The following MAX variants were observed in gnomAD, a reference collection of about 807,000 sequenced individuals.
MAX encodes MYC associated transcriptional regulator X, also known as protein max.
MAX carries 3 observed loss-of-function variants against 22.3 expected under a neutral mutation model. The observed-to-expected ratio is 0.13, with a 90% confidence interval of 0.06 to 0.35. The LOEUF is 0.35. MAX is among the 10% of genes least tolerant of loss of function. The probability of loss-of-function intolerance (pLI) is 1.00; values close to 1 mark genes in which losing one functional copy is unlikely to be tolerated. For missense variants in MAX, 119 were observed against 209.4 expected (o/e 0.57, Z 2.66); for synonymous variants, 72 against 77.7 (o/e 0.93, Z 0.39).
At position 65,012,631 on chromosome 14, in the gene MAX, A is replaced by G. The variant is rs138332404; in HGVS notation, c.172-6347T>C. Among the ~76,000 whole-genome samples, 47 of 152,274 alleles carry G rather than the reference A, an allele frequency of 3.1e-4. 2 individuals carry two copies. The East Asian group carries it at 7.9e-3, about 26-fold the overall frequency. On this transcript the variant is annotated intron_variant, in intron 3 of 3. Coordinates refer to the MAX transcript ENST00000341653. The surrounding 1 kb of genome is among the most constrained non-coding windows in gnomAD (Gnocchi z 5.0). ...TAGGATGGGGCTTTCTTCTGTTACT[A>G]GATGATGACTAAGGGGTTCACGTGC... is the stretch of plus-strand genomic sequence containing the variant.
At chr14:65,040,322 TATATG>T (rs2062319914) in intron 3 of MAX, among the ~76,000 whole-genome samples, 1 of 149,938 alleles carries the variant, frequency 6.7e-6, no homozygotes, top group Non-Finnish European at 1.5e-5. Context: ...TATATGTACA[TATATG>T]TATATGTATG....
chr14:65,084,027 C>T lies in MAX; in HGVS notation c.172-5991G>A. The T allele has an allele frequency of 1.3e-6, 2 of 1,577,576 alleles. No individual in the cohort carries two copies. The highest frequency in any genetic ancestry group is 1.7e-6 in the Non-Finnish European group (2 of 1,160,142). On this transcript the variant is annotated intron_variant, in intron 3 of 4. Coordinates refer to ENST00000358664, the MANE Select transcript of MAX (RefSeq NM_002382.5). The surrounding 1 kb of genome is among the most constrained non-coding windows in gnomAD (Gnocchi z 4.3). ...TTGTAAGGCCAGAGTCAGCACAGAC[C>T]CATGGCTCCTTGAAGGCTTCCTGCT...
chr14:65,071,353 A>AG (rs1440272580), downstream of MAX, among the ~76,000 whole-genome samples: 2 of 152,168 alleles, frequency 1.3e-5, no homozygotes, highest in African/African-American at 4.8e-5. The surrounding 1 kb of genome is among the most constrained non-coding windows in gnomAD (Gnocchi z 4.2). Flanking sequence ...CACATTGACC[A>AG]GGCTGGTCTC....
rs1368975128 is a variant in MAX, at chr14:65,014,323, C to T, written c.172-8039G>A. ...CCGTCTGCATTTTGCCTTTGGAAGC[C>T]TTTCCTAGCTCCCCAGGCAGAATTA... On this transcript the variant is annotated intron_variant, in intron 3 of 3. Coordinates refer to the MAX transcript ENST00000341653. The surrounding 1 kb of genome is among the most constrained non-coding windows in gnomAD (Gnocchi z 5.1). Among the ~76,000 whole-genome samples, 1 of 152,168 alleles carries T rather than the reference C, an allele frequency of 6.6e-6. No individual in the cohort carries two copies. The highest frequency in any genetic ancestry group is 2.4e-5 in the African/African-American group (1 of 41,440).
chr14:65,099,842 G>A (rs951839601), intron 2 of MAX, among the ~76,000 whole-genome samples: 1 of 152,172 alleles, frequency 6.6e-6, no homozygotes, highest in African/African-American at 2.4e-5. Flanking sequence ...TATCTTTAAT[G>A]ACTATTACCC....
rs1049913862 is a variant in MAX, at chr14:65,054,116, G to A, written c.171+39592C>T. ...TGGAGGATGGGGCTTTTATTTTATTGTATTTTACTTTTTTGAGACAGGGTC... is the reference window on the plus strand; with the variant it reads ...TGGAGGATGGGGCTTTTATTTTATTATATTTTACTTTTTTGAGACAGGGTC... On this transcript the variant is annotated intron_variant, in intron 3 of 3. Transcript: ENST00000341653. This position sits in a 1 kb window ranked among gnomAD's most constrained non-coding sequence, Gnocchi z 4.4. 1.3e-5 allele frequency among the ~76,000 whole-genome samples: 2 copies of A among 151,776 alleles called. No individual in the cohort carries two copies. Among genetic ancestry groups the A allele is most frequent in the Admixed American group, 1.3e-4 (2 of 15,236 alleles).
chr14:65,025,971 C>G (rs1312675612), intron 3 of MAX, among the ~76,000 whole-genome samples: 1 of 152,218 alleles, frequency 6.6e-6, no homozygotes, highest in Admixed American at 6.5e-5. Flanking sequence ...GCAGCGTTTG[C>G]TTTTGCTTTC....
At chr14:65,052,481 A>T (rs780333783) in intron 3 of MAX, among the ~76,000 whole-genome samples, 1 of 152,196 alleles carries the variant, frequency 6.6e-6, no homozygotes, top group Non-Finnish European at 1.5e-5. Context: ...TATATTTTTA[A>T]TCGATTTCTA....
At chr14:65,037,599 A>G (rs1010509072) in intron 3 of MAX, among the ~76,000 whole-genome samples, 6 of 147,450 alleles carry the variant, frequency 4.1e-5, no homozygotes, top group Admixed American at 1.4e-4. Context: ...TAATTTTTTA[A>G]ATTTTTGTAG....
chr14:65,047,789 A>G lies in MAX; in HGVS notation c.172-41505T>C, dbSNP rs940064181. Among the ~76,000 whole-genome samples, 14 of 152,114 alleles carry G rather than the reference A, an allele frequency of 9.2e-5. No homozygotes were observed. The highest frequency in any genetic ancestry group is 1.6e-4 in the Non-Finnish European group (11 of 68,024). ...TCTCTCCAAACAGTAGCTGCATACCATGGGCTGATATAGAAAGCTCTGCAA... is the reference window on the plus strand; with the variant it reads ...TCTCTCCAAACAGTAGCTGCATACCGTGGGCTGATATAGAAAGCTCTGCAA... On this transcript the variant is annotated intron_variant, in intron 3 of 3. Transcript: ENST00000341653. This position sits in a 1 kb window ranked among gnomAD's most constrained non-coding sequence, Gnocchi z 5.2.
intron 3 of MAX, chr14:65,061,324 C>A: frequency 6.2e-7 from 1 of 1,613,260 alleles, no homozygotes; most frequent in Non-Finnish European, 8.5e-7. Flanking sequence ...GGACCTGGGT[C>A]CCGGCAGCTC....
chr14:65,100,365 G>A (rs945129483), intron 2 of MAX, among the ~76,000 whole-genome samples: 4 of 152,160 alleles, frequency 2.6e-5, no homozygotes, highest in Non-Finnish European at 5.9e-5. Context: ...CAAGAGAATC[G>A]CTTGAACCCA....
intron 3 of MAX, chr14:65,090,068 G>T (rs1202038353): frequency 6.6e-6 from 1 of 152,158 alleles, no homozygotes; most frequent in Non-Finnish European, 1.5e-5. Context: ...AACTCAGAAA[G>T]AAATTATAGG....
chr14:65,052,673 G>A (rs931922352), intron 3 of MAX, among the ~76,000 whole-genome samples: 30 of 152,202 alleles, frequency 2.0e-4, no homozygotes, highest in African/African-American at 6.5e-4. Flanking sequence ...TATGATGCAG[G>A]AGGGCAGTTA....
rs1374662968 is a variant in MAX at position 65,014,266 on chromosome 14, A to G, written c.172-7982T>C. Among the ~76,000 whole-genome samples the G allele has an allele frequency of 2.6e-5, 4 of 152,184 alleles. No homozygotes were observed. Among genetic ancestry groups the G allele is most frequent in the Non-Finnish European group, 5.9e-5 (4 of 68,038 alleles). On this transcript the variant is annotated intron_variant, in intron 3 of 3. Transcript: ENST00000341653. The surrounding 1 kb of genome is among the most constrained non-coding windows in gnomAD (Gnocchi z 5.1). Reference sequence around the variant, plus strand: ...TACCCTGCCTAGCCTTGAATGCTCAATAATCATTTATGGTTTAATTAGGAT... The same window carrying G: ...TACCCTGCCTAGCCTTGAATGCTCAGTAATCATTTATGGTTTAATTAGGAT...
Position 65,084,295 on chromosome 14 carries a change from T to C in MAX, c.172-6259A>G, listed in dbSNP as rs771789560. 38 of 1,512,688 alleles carry C rather than the reference T, an allele frequency of 2.5e-5. No homozygotes were observed. The highest frequency in any genetic ancestry group is 3.2e-5 in the Non-Finnish European group (35 of 1,088,050). 93.7% of individuals were successfully genotyped at this position (1,512,688 alleles called of 1,614,324 possible). On this transcript the variant is annotated intron_variant, in intron 3 of 4. Transcript: ENST00000358664. This position sits in a 1 kb window ranked among gnomAD's most constrained non-coding sequence, Gnocchi z 4.3. ...AGTACACAATTTCCAAAAGAGGAAA[T>C]AGAGCTAGTAAATAAACATGTGGAA...
intron 3 of MAX, chr14:65,015,477 A>G (rs1364081201): frequency 2.2e-6 from 1 of 450,220 alleles, no homozygotes; most frequent in Non-Finnish European, 3.8e-6. Flanking sequence ...CACAAAGCAA[A>G]GTGTCCTTTA....
rs149471226 is a variant in MAX at position 65,053,323 on chromosome 14, G to A, written c.171+40385C>T. The A allele has an allele frequency of 5.1e-5, 73 of 1,439,950 alleles. No homozygotes were observed. The highest frequency in any genetic ancestry group is 1.9e-4 in the Middle Eastern group (1 of 5,366). 89.2% of individuals were successfully genotyped at this position (1,439,950 alleles called of 1,614,324 possible). On this transcript the variant is annotated intron_variant, in intron 3 of 3. Coordinates refer to the MAX transcript ENST00000341653. ...TCCTGATGTGCTGCCAGTGCCCTGC[G>A]GGGGGGCTTCTGGATAAACCTGGCA... is the stretch of plus-strand genomic sequence containing the variant.
chr14:65,051,112 T>C (rs930839823), intron 3 of MAX, among the ~76,000 whole-genome samples: 1 of 152,224 alleles, frequency 6.6e-6, no homozygotes, highest in Non-Finnish European at 1.5e-5. Context: ...ATGCTTCTCC[T>C]TAGGTCGGAC....
Sources: allele counts gnomAD v4.1 joint callset (sites outside exome capture counted in the v4.1 genomes callset), GRCh38; gene constraint gnomAD v4.1.1; non-coding constraint Gnocchi (gnomAD v3.1); transcripts MANE v1.5; gene names NCBI Gene and HGNC (gene_info 2026-07-23, HGNC 2026-07-21).